Variants in RCL1 observed in about 807,000 individuals in gnomAD.
RCL1 encodes RNA 3'-terminal phosphate cyclase-like protein.
A neutral mutation model predicts 42.4 loss-of-function variants in RCL1; 24 were observed. That is an observed-to-expected ratio of 0.57 (90% CI 0.41 to 0.80). RCL1 has a LOEUF of 0.80. Ranked by LOEUF, RCL1 falls within the 30% of genes least tolerant of loss-of-function variation. The pLI is 0.00. For synonymous variants in RCL1, 228 were observed against 177.3 expected (o/e 1.29, Z -2.27); for missense variants, 578 against 467.9 (o/e 1.24, Z -2.17).
Position 4,795,448 on chromosome 9 carries a change from T to C in RCL1, c.136+2221T>C, listed in dbSNP as rs955486794. 1.8e-4 allele frequency among the ~76,000 whole-genome samples: 28 copies of C among 152,212 alleles called. 1 individual carries two copies. The highest frequency in any genetic ancestry group is 6.0e-4 in the African/African-American group (25 of 41,446). ...ATGCATTTGCAGATATACATGTATA[T>C]GTGTATATGTATACACATACATGTA... On this transcript the variant is annotated intron_variant, in intron 1 of 8. Transcript: ENST00000381750.
chr9:4,845,627 T>C (rs1438572061), intron 7 of RCL1, among the ~76,000 whole-genome samples: 1 of 152,226 alleles, frequency 6.6e-6, no homozygotes, highest in African/African-American at 2.4e-5. Flanking sequence ...TTTCTGTTAG[T>C]CTGCACCGTC....
chr9:4,795,743 G>T (rs1265654219), intron 1 of RCL1, among the ~76,000 whole-genome samples: 2 of 152,238 alleles, frequency 1.3e-5, no homozygotes, highest in Admixed American at 1.3e-4. Context: ...GTGGGCTTTG[G>T]AGGGTAGGGA....
chr9:4,838,443 C>G (rs903703583), intron 5 of RCL1, among the ~76,000 whole-genome samples: 2 of 152,132 alleles, frequency 1.3e-5, no homozygotes, highest in Non-Finnish European at 2.9e-5. Context: ...GTCCTAGGAG[C>G]TCATGATTTG....
chr9:4,817,361 G>GT (rs1816418018), intron 1 of RCL1, among the ~76,000 whole-genome samples: 1 of 150,656 alleles, frequency 6.6e-6, no homozygotes, highest in Non-Finnish European at 1.5e-5. Flanking sequence ...TTAATTATAT[G>GT]TTTTTTATTT....
At chr9:4,854,410 C>A (rs577980092) in intron 8 of RCL1, among the ~76,000 whole-genome samples, 1 of 152,306 alleles carries the variant, frequency 6.6e-6, no homozygotes, top group South Asian at 2.1e-4. Context: ...ATCTCCAGAT[C>A]TTTTCCCTCA....
chr9:4,855,290 C>A (rs1301364226), intron 8 of RCL1, among the ~76,000 whole-genome samples: 1 of 151,274 alleles, frequency 6.6e-6, no homozygotes, highest in African/African-American at 2.5e-5. Flanking sequence ...AATGGTTCTT[C>A]TGAAAAGCTG....
intron 1 of RCL1, among the ~76,000 whole-genome samples, chr9:4,802,107 TAG>T (rs1289664607): frequency 1.4e-5 from 2 of 143,854 alleles, no homozygotes; most frequent in Non-Finnish European, 3.0e-5. Flanking sequence ...TGTATTTTTG[TAG>T]AGGCGGGGTT....
chr9:4,849,600 A>C, intron 8 of RCL1, 50 bp downstream of exon 8: 3 of 1,357,570 alleles, frequency 2.2e-6, no homozygotes, highest in Non-Finnish European at 3.2e-6. Context: ...TAATTTTCTC[A>C]TTGCCCAAAA....
intron 2 of RCL1, among the ~76,000 whole-genome samples, chr9:4,826,559 G>C (rs867568431): frequency 2.6e-5 from 4 of 152,180 alleles, no homozygotes; most frequent in Non-Finnish European, 4.4e-5. Context: ...TGGGAGACTA[G>C]GGTGCTTATT....
intron 1 of RCL1, among the ~76,000 whole-genome samples, chr9:4,801,087 C>T (rs553200077): frequency 1.3e-5 from 2 of 152,126 alleles, no homozygotes; most frequent in African/African-American, 4.8e-5. Flanking sequence ...TCTTAATTTG[C>T]GTATTACAAA....
intron 1 of RCL1, among the ~76,000 whole-genome samples, chr9:4,802,720 A>C (rs1006621645): frequency 1.3e-5 from 2 of 152,238 alleles, no homozygotes; most frequent in East Asian, 3.8e-4. Flanking sequence ...ATAGAAAAAA[A>C]TTTTATTCTG....
intron 5 of RCL1, among the ~76,000 whole-genome samples, chr9:4,837,883 C>G (rs1257879570): frequency 6.6e-6 from 1 of 152,160 alleles, no homozygotes; most frequent in Non-Finnish European, 1.5e-5. Flanking sequence ...CCCAATATAT[C>G]TCTGACTGGT....
chr9:4,805,191 G>T (rs1190441850), intron 1 of RCL1, among the ~76,000 whole-genome samples: 1 of 152,082 alleles, frequency 6.6e-6, no homozygotes, highest in African/African-American at 2.4e-5. Context: ...CATCTCTACA[G>T]AAAACAAACA....
chr9:4,842,356 G>C (rs1817360689), intron 6 of RCL1, among the ~76,000 whole-genome samples: 1 of 152,194 alleles, frequency 6.6e-6, no homozygotes, highest in African/African-American at 2.4e-5. Context: ...GAGTAAAGGA[G>C]GGGGGTGAGT....
At chr9:4,793,264 G>A (rs762887799) in intron 1 of RCL1, 37 bp downstream of exon 1, 1 of 1,553,080 alleles carries the variant, frequency 6.4e-7, no homozygotes, top group Non-Finnish European at 8.7e-7. Context: ...GTGGGCGCGG[G>A]GGCTGAGGGG....
intron 1 of RCL1, among the ~76,000 whole-genome samples, chr9:4,797,271 A>G (rs1281337648): frequency 6.6e-6 from 1 of 152,202 alleles, no homozygotes; most frequent in African/African-American, 2.4e-5. Flanking sequence ...GGAAGAATAA[A>G]TGTTAGCTGA....
chr9:4,795,653 G>C (rs776289404), intron 1 of RCL1, among the ~76,000 whole-genome samples: 1 of 152,138 alleles, frequency 6.6e-6, no homozygotes, highest in Non-Finnish European at 1.5e-5. Context: ...AAAAAACTCA[G>C]AGCATATCCA....
chr9:4,794,560 C>G (rs1842884026), intron 1 of RCL1, among the ~76,000 whole-genome samples: 1 of 152,178 alleles, frequency 6.6e-6, no homozygotes, highest in Admixed American at 6.5e-5. Flanking sequence ...CCACTTTACC[C>G]TCAGGTTAGC....
At chr9:4,806,846 AT>A (rs985008260) in intron 1 of RCL1, among the ~76,000 whole-genome samples, 7 of 152,132 alleles carry the variant, frequency 4.6e-5, no homozygotes, top group Admixed American at 4.6e-4. Flanking sequence ...AATTCTTTAA[AT>A]GTTTGGCAGA....
Sources: allele counts gnomAD v4.1 joint callset (sites outside exome capture counted in the v4.1 genomes callset), GRCh38; gene constraint gnomAD v4.1.1; transcripts MANE v1.5; gene names NCBI Gene and HGNC (gene_info 2026-07-23, HGNC 2026-07-21).